EED: variants seen among roughly 807,000 people sequenced by gnomAD.
EED encodes the protein polycomb protein EED.
In EED, 9 loss-of-function variants were observed where a neutral mutation model predicts 61.0. The observed-to-expected ratio is 0.15, with a 90% confidence interval of 0.09 to 0.26. The LOEUF (loss-of-function observed/expected upper bound fraction) is 0.26. EED is among the 10% of genes least tolerant of loss of function. The pLI, the probability that EED is intolerant of heterozygous loss-of-function variation, is 1.00. For missense variants in EED, 315 were observed against 542.3 expected, an observed-to-expected ratio of 0.58 and a Z score of 4.16; for synonymous variants, 187 against 174.4, an observed-to-expected ratio of 1.07 and a Z score of -0.57.
the EED span, chr11:86,284,604 A>G: frequency 2.6e-5 from 4 of 152,306 alleles, no homozygotes; most frequent in African/African-American, 7.2e-5. Flanking sequence ...ATGATGACAT[A>G]TGCCAGAGCT....
intron 8 of EED, among the ~76,000 whole-genome samples, chr11:86,267,421 A>G (rs1291280689): frequency 1.3e-5 from 2 of 152,218 alleles, no homozygotes; most frequent in African/African-American, 4.8e-5. Context: ...TTATACTTAT[A>G]CAGCTATTTC....
intron 6 of EED, among the ~76,000 whole-genome samples, chr11:86,258,167 A>G (rs1003309504): frequency 4.6e-5 from 7 of 152,240 alleles, no homozygotes; most frequent in African/African-American, 1.7e-4. Flanking sequence ...CCAAATTAAA[A>G]AAAAGGTTAT....
chr11:86,277,553 G>T, intron 10 of EED: 1 of 180,576 alleles, frequency 5.5e-6, no homozygotes, highest in East Asian at 1.3e-4. Context: ...TCTATTGTTA[G>T]GATTTTCTGG....
chr11:86,249,680 CAA>C (rs1945478142), intron 1 of EED, among the ~76,000 whole-genome samples: 1 of 151,824 alleles, frequency 6.6e-6, no homozygotes, highest in Non-Finnish European at 1.5e-5. Flanking sequence ...TACTTTAGAA[CAA>C]TGAGACAGTT....
chr11:86,257,671 C>A, intron 6 of EED, 75 bp downstream of exon 6: 2 of 1,229,362 alleles, frequency 1.6e-6, no homozygotes, highest in Non-Finnish European at 2.3e-6. Flanking sequence ...TCAAGAAAAC[C>A]CTGACAAATA....
At chr11:86,258,766 G>A (rs1945752191) in intron 6 of EED, among the ~76,000 whole-genome samples, 1 of 151,682 alleles carries the variant, frequency 6.6e-6, no homozygotes, top group Non-Finnish European at 1.5e-5. Flanking sequence ...ACATGGGTCA[G>A]GCTGGTCTTG....
intron 6 of EED, among the ~76,000 whole-genome samples, chr11:86,260,724 A>T (rs1341062847): frequency 3.3e-5 from 5 of 152,144 alleles, no homozygotes; most frequent in Non-Finnish European, 5.9e-5. Context: ...GTTCTGTGGG[A>T]TAAAATTGCT....
At chr11:86,260,457 G>A (rs1243087345) in intron 6 of EED, among the ~76,000 whole-genome samples, 1 of 152,054 alleles carries the variant, frequency 6.6e-6, no homozygotes, top group East Asian at 1.9e-4. Flanking sequence ...TCAAACTCCT[G>A]GCCTCAAAAG....
chr11:86,252,075 A>G, intron 2 of EED, 73 bp from the exon 3 acceptor site: 1 of 1,176,134 alleles, frequency 8.5e-7, no homozygotes, highest in Non-Finnish European at 1.2e-6. Flanking sequence ...AAAGAAGGGG[A>G]TAGGTTAGTT....
At position 86,245,307 on chromosome 11, in the gene EED, C is replaced by T. The variant is rs140683797; in HGVS notation, c.78C>T (p.Asp26=). The T allele has an allele frequency of 1.9e-5, 30 of 1,613,248 alleles. No homozygotes were observed. In the African/African-American group the frequency reaches 3.2e-4, roughly 17 times the overall value. The part of the protein sequence containing the change: ...PAAKKQKLSS[D]ENSNPDLSGD... Reference sequence around the variant, plus strand: ...CCAAGAAGCAGAAGCTGAGCAGTGACGAGAACAGCAATCCAGACCTCTCTG... The same window carrying T: ...CCAAGAAGCAGAAGCTGAGCAGTGATGAGAACAGCAATCCAGACCTCTCTG... The change falls in exon 1 of 12, where the codon GAC becomes GAT. Residue 26 remains aspartate (D), a synonymous_variant. Coordinates refer to ENST00000263360, the MANE Select transcript of EED (RefSeq NM_003797.5).
the EED span, among the ~76,000 whole-genome samples, chr11:86,287,441 T>C: frequency 6.6e-6 from 1 of 152,242 alleles, no homozygotes; most frequent in Non-Finnish European, 1.5e-5. Context: ...TATTTTCTGA[T>C]GTAGAGCAAG....
chr11:86,252,877 A>G (rs1593726026), intron 3 of EED, among the ~76,000 whole-genome samples: 1 of 152,050 alleles, frequency 6.6e-6, no homozygotes, highest in African/African-American at 2.4e-5. Context: ...CTCCCATGTC[A>G]GCCTTCTGAG....
At position 86,278,784 on chromosome 11, in the gene EED, G is replaced by T; in HGVS notation, c.*259G>T. On this transcript the variant is annotated 3_prime_UTR_variant, in exon 12 of 12. Coordinates refer to ENST00000263360, the MANE Select transcript of EED (RefSeq NM_003797.5). ...TCATTGTGGTGAAAAAAAGTTAAAA[G>T]TAATAAAATTATGCCTTATCTTTTT... 3.0e-6 allele frequency: 1 copy of T among 328,388 alleles called. No homozygotes were observed. The allele number at this position is 328,388 out of a possible 1,614,324, so 20.3% of individuals were successfully genotyped here.
At chr11:86,285,444 G>A in the EED span, among the ~76,000 whole-genome samples, 1 of 151,958 alleles carries the variant, frequency 6.6e-6, no homozygotes, top group Non-Finnish European at 1.5e-5. Flanking sequence ...AAATTAAAAG[G>A]AAAAATTAGG....
At chr11:86,267,373 G>T (rs1946005479) in intron 8 of EED, among the ~76,000 whole-genome samples, 1 of 152,126 alleles carries the variant, frequency 6.6e-6, no homozygotes, top group African/African-American at 2.4e-5. Context: ...GTAAAGAGAG[G>T]ACATATGAAT....
downstream of EED, among the ~76,000 whole-genome samples, chr11:86,281,847 G>A (rs11234600): frequency 6.6e-6 from 1 of 152,242 alleles, no homozygotes; most frequent in East Asian, 1.9e-4. Context: ...ATTTTCTCTT[G>A]TAGTTTCTTT....
intron 6 of EED, among the ~76,000 whole-genome samples, chr11:86,258,703 G>GCCC: frequency 6.7e-6 from 1 of 149,776 alleles, no homozygotes. Flanking sequence ...TTACAGGCAT[G>GCCC]TACCACCATG....
chr11:86,245,104 G>A lies in EED; in HGVS notation c.-126G>A, dbSNP rs897916992. The A allele has an allele frequency of 2.0e-5, 13 of 655,696 alleles. No individual in the cohort carries two copies. The highest frequency in any genetic ancestry group is 4.2e-4 in the Middle Eastern group (1 of 2,376). The allele number at this position is 655,696 out of a possible 1,614,324, so 40.6% of individuals were successfully genotyped here. A position where few individuals can be genotyped will look rare whatever the true frequency, so the allele number is the denominator to read the frequency against. ...GCGGCTGGGCGCGATTTGCGACAGT[G>A]GGGGGGGCGGTGGAGGTGGCGGCGG... On this transcript the variant is annotated 5_prime_UTR_variant, in exon 1 of 12. Coordinates refer to ENST00000263360, the MANE Select transcript of EED (RefSeq NM_003797.5).
At position 86,278,660 on chromosome 11, in the gene EED, G is replaced by C; in HGVS notation, c.*135G>C. The C allele has an allele frequency of 1.7e-6, 2 of 1,149,008 alleles. No individual in the cohort carries two copies. Among genetic ancestry groups the C allele is most frequent in the Non-Finnish European group, 2.4e-6 (2 of 837,798 alleles). 71.2% of individuals were successfully genotyped at this position (1,149,008 alleles called of 1,614,324 possible). On this transcript the variant is annotated 3_prime_UTR_variant, in exon 12 of 12. Coordinates refer to ENST00000263360, the MANE Select transcript of EED (RefSeq NM_003797.5). ...TCAATCAGGCTGAGCTGAATGTAGT[G>C]ATGTTTACATTGTTTACATTCTTTG...
Sources: gnomAD v4.1 joint callset for allele counts (sites outside exome capture counted in the v4.1 genomes callset) on GRCh38, gnomAD v4.1.1 for gene constraint, MANE v1.5 for transcripts, NCBI Gene and HGNC (gene_info 2026-07-23, HGNC 2026-07-21) for gene names.